The following APBB2 variants were observed in gnomAD, a reference collection of about 807,000 sequenced individuals.
APBB2 encodes the protein Fe65-like 1.
In APBB2, 38 loss-of-function variants were observed where a neutral mutation model predicts 82.5. The observed-to-expected ratio is 0.46, with a 90% confidence interval of 0.36 to 0.60. The LOEUF (loss-of-function observed/expected upper bound fraction) is 0.60, where lower values mean the gene tolerates loss of function less well. APBB2 is among the 20% of genes least tolerant of loss of function. The pLI is 0.00. For synonymous variants in APBB2, 341 were observed against 368.2 expected (o/e 0.93, Z 0.85); for missense variants, 772 against 972.3 (o/e 0.79, Z 2.74).
intron 6 of APBB2, among the ~76,000 whole-genome samples, chr4:40,980,711 C>G (rs2154402892): frequency 6.6e-6 from 1 of 152,330 alleles, no homozygotes; most frequent in Non-Finnish European, 1.5e-5. Flanking sequence ...CAAGGCTTAA[C>G]TGCTGCACAT....
At chr4:40,948,889 C>CA (rs1789234875) in intron 6 of APBB2, among the ~76,000 whole-genome samples, 1 of 24,484 alleles carries the variant, frequency 4.1e-5, no homozygotes, top group Admixed American at 5.6e-4. Context: ...GATCCTGTCT[C>CA]CAAAAAAAAA....
At chr4:41,008,714 C>T (rs936717018) in intron 6 of APBB2, among the ~76,000 whole-genome samples, 24 of 152,336 alleles carry the variant, frequency 1.6e-4, no homozygotes, top group South Asian at 2.1e-4. Context: ...AAGATGCTCT[C>T]GCTTAATCTT....
At chr4:41,114,133 GT>G (rs1750153795) in intron 2 of APBB2, 1 of 152,244 alleles carries the variant, frequency 6.6e-6, no homozygotes, top group Admixed American at 6.5e-5. Flanking sequence ...CCACGATCAA[GT>G]TGGCTTCATC....
intron 10 of APBB2, among the ~76,000 whole-genome samples, chr4:40,923,956 A>C (rs1475252319): frequency 6.6e-6 from 1 of 152,164 alleles, no homozygotes; most frequent in Admixed American, 6.5e-5. Context: ...AGAAACACAA[A>C]AGCTGTCCTC....
intron 4 of APBB2, among the ~76,000 whole-genome samples, chr4:41,036,882 G>A (rs1402742818): frequency 6.6e-6 from 1 of 152,074 alleles, no homozygotes; most frequent in Non-Finnish European, 1.5e-5. Flanking sequence ...AGGAACTTAG[G>A]GGCATGGACT....
At chr4:41,090,462 A>G (rs1409878048) in intron 3 of APBB2, among the ~76,000 whole-genome samples, 2 of 152,208 alleles carry the variant, frequency 1.3e-5, no homozygotes, top group Non-Finnish European at 2.9e-5. Flanking sequence ...TTCTCTCTAC[A>G]GTACATTTGA....
intron 6 of APBB2, among the ~76,000 whole-genome samples, chr4:40,961,667 T>TAAAAAAAAAAAAAAAAAAAAAAAAAAA (rs60942744): frequency 1.2e-4 from 8 of 68,246 alleles, no homozygotes; most frequent in Non-Finnish European, 1.5e-4. Flanking sequence ...AAAAAAGATG[T>TAAAAAAAAAAAAAAAAAAAAAAAAAAA]AAAAAAAAAA....
intron 12 of APBB2, among the ~76,000 whole-genome samples, chr4:40,878,646 T>C (rs1283349337): frequency 6.6e-6 from 1 of 152,196 alleles, no homozygotes; most frequent in Non-Finnish European, 1.5e-5. Flanking sequence ...AATTTCTGAC[T>C]GAATGAGAAC....
chr4:41,057,003 TGGGAGAGG>T (rs1728061045), intron 4 of APBB2, among the ~76,000 whole-genome samples: 1 of 152,128 alleles, frequency 6.6e-6, no homozygotes, highest in Non-Finnish European at 1.5e-5. Context: ...TCTTGTACTC[TGGGAGAGG>T]GGGATCAACT....
intron 10 of APBB2, among the ~76,000 whole-genome samples, chr4:40,913,057 C>T (rs1275157112): frequency 1.3e-5 from 2 of 152,154 alleles, no homozygotes; most frequent in Admixed American, 6.5e-5. Context: ...AGAGGAAAAT[C>T]GGAATGCACA....
intron 1 of APBB2, among the ~76,000 whole-genome samples, chr4:41,181,317 C>T (rs950564252): frequency 4.6e-5 from 7 of 152,118 alleles, no homozygotes; most frequent in African/African-American, 9.7e-5. Flanking sequence ...TTGGGTCTTC[C>T]GCTCCCTTAC....
intron 2 of APBB2, among the ~76,000 whole-genome samples, chr4:41,103,177 T>C (rs942968872): frequency 2.0e-5 from 3 of 152,244 alleles, no homozygotes; most frequent in Non-Finnish European, 4.4e-5. Context: ...TTACCAACCA[T>C]AGACACTTAA....
chr4:41,119,698 T>A (rs1752225158), intron 2 of APBB2, among the ~76,000 whole-genome samples: 1 of 152,036 alleles, frequency 6.6e-6, no homozygotes, highest in South Asian at 2.1e-4. Context: ...GCCTTTCACA[T>A]ACCCTGTCCA....
chr4:40,978,759 A>C (rs1319136806), intron 6 of APBB2, among the ~76,000 whole-genome samples: 6 of 152,222 alleles, frequency 3.9e-5, no homozygotes, highest in African/African-American at 1.4e-4. Flanking sequence ...ATACTTACAA[A>C]TAAACAAGCA....
At chr4:40,939,477 T>C (rs1425196171) in intron 7 of APBB2, among the ~76,000 whole-genome samples, 2 of 152,230 alleles carry the variant, frequency 1.3e-5, no homozygotes, top group Non-Finnish European at 2.9e-5. Flanking sequence ...TGTCTCTCAA[T>C]GCCATTTTGT....
At chr4:41,121,062 A>G (rs950081210) in intron 2 of APBB2, among the ~76,000 whole-genome samples, 3 of 152,234 alleles carry the variant, frequency 2.0e-5, no homozygotes, top group African/African-American at 4.8e-5. Context: ...GTGTCTTCAC[A>G]GTTTTAACAT....
intron 1 of APBB2, among the ~76,000 whole-genome samples, chr4:41,207,513 T>C (rs1021727443): frequency 2.6e-5 from 4 of 152,160 alleles, no homozygotes; most frequent in African/African-American, 9.7e-5. Context: ...AAGAATCAAA[T>C]GTCAAGATAC....
chr4:40,930,602 C>G (rs573321795), intron 10 of APBB2, among the ~76,000 whole-genome samples: 2 of 152,002 alleles, frequency 1.3e-5, no homozygotes, highest in Non-Finnish European at 2.9e-5. Flanking sequence ...GTGTCCCCAT[C>G]CTGACAGTCT....
chr4:40,887,753 GGA>G, intron 12 of APBB2, among the ~76,000 whole-genome samples: 1 of 152,262 alleles, frequency 6.6e-6, no homozygotes, highest in South Asian at 2.1e-4. Flanking sequence ...CTAGCTATGT[GGA>G]ACCCTCCCAT....
Sources: gnomAD v4.1 joint callset for allele counts (sites outside exome capture counted in the v4.1 genomes callset) on GRCh38, gnomAD v4.1.1 for gene constraint, MANE v1.5 for transcripts, NCBI Gene and HGNC (gene_info 2026-07-23, HGNC 2026-07-21) for gene names.